PCDHA6: variants seen among roughly 807,000 people sequenced by gnomAD.
PCDHA6 encodes protocadherin alpha-6.
Under a neutral mutation model 60.3 loss-of-function variants are expected in PCDHA6, and 55 were observed. The observed-to-expected ratio is 0.91, with a 90% CI of 0.73 to 1.14. PCDHA6 has a LOEUF of 1.14. Ranked by LOEUF, PCDHA6 falls within the 50% of genes most tolerant of loss-of-function variation. The pLI is 0.00. For synonymous variants in PCDHA6, 652 were observed against 557.9 expected (o/e 1.17, Z -2.38); for missense variants, 1,327 against 1,256.5 (o/e 1.06, Z -0.85).
chr5:140,943,800 A>G (rs1470801059), intron 1 of PCDHA6, among the ~76,000 whole-genome samples: 1 of 152,218 alleles, frequency 6.6e-6, no homozygotes, highest in East Asian at 1.9e-4. Flanking sequence ...GCAAAGCAAA[A>G]GAGGAAAGTT....
chr5:140,929,080 A>T, intron 1 of PCDHA6: 1 of 1,614,180 alleles, frequency 6.2e-7, no homozygotes, highest in Non-Finnish European at 8.5e-7. Flanking sequence ...GTATGGAAGT[A>T]AGATGGTTTC....
At chr5:140,981,458 C>T (rs1465511355) in intron 2 of PCDHA6, among the ~76,000 whole-genome samples, 5 of 152,134 alleles carry the variant, frequency 3.3e-5, no homozygotes, top group African/African-American at 4.8e-5. Flanking sequence ...CCTGTAGTCC[C>T]AGCTACTTGG....
intron 1 of PCDHA6, among the ~76,000 whole-genome samples, chr5:140,888,562 G>T (rs781854673): frequency 6.6e-6 from 1 of 152,112 alleles, no homozygotes; most frequent in East Asian, 1.9e-4. Flanking sequence ...TCCTTTCAAG[G>T]CTTCATTTTA....
rs557129583 is a variant in PCDHA6 at position 140,853,604 on chromosome 5, G to A, written c.2394+23119G>A. The A allele has an allele frequency of 2.1e-4, 212 of 987,262 alleles. 18 individuals are homozygous for A. Among genetic ancestry groups the A allele is most frequent in the Non-Finnish European group, 2.2e-4 (180 of 819,618 alleles). 61.2% of individuals were successfully genotyped at this position (987,262 alleles called of 1,614,324 possible). A position where few individuals can be genotyped will look rare whatever the true frequency, so the allele number is the denominator to read the frequency against. ...ATCTTAGACACTTTGAGAGCAAAGG[G>A]GGTGCTGTAAATAAGTATACAAGAT... On this transcript the variant is annotated intron_variant, in intron 1 of 3. Coordinates refer to ENST00000529310, the MANE Select transcript of PCDHA6 (RefSeq NM_018909.4).
chr5:140,850,333 C>G lies in PCDHA6; in HGVS notation c.2394+19848C>G, dbSNP rs2150480069. 3.1e-6 allele frequency: 5 copies of G among 1,597,624 alleles called. 1 individual carries two copies. The highest frequency in any genetic ancestry group is 4.3e-6 in the Non-Finnish European group (5 of 1,167,680). ...GCGTGGCTTTCATACGAGCTGCAGC[C>G]AGAAACGGCCAGCGCGAGCATCCCG... On this transcript the variant is annotated intron_variant, in intron 1 of 3. Coordinates refer to ENST00000529310, the MANE Select transcript of PCDHA6 (RefSeq NM_018909.4).
intron 1 of PCDHA6, among the ~76,000 whole-genome samples, chr5:140,913,117 G>T (rs1055437222): frequency 1.3e-5 from 2 of 152,144 alleles, no homozygotes; most frequent in Non-Finnish European, 2.9e-5. Flanking sequence ...CAGTTTGGAA[G>T]TTAACCCCTC....
chr5:140,873,837 T>C (rs554313859), intron 1 of PCDHA6, among the ~76,000 whole-genome samples: 1 of 152,210 alleles, frequency 6.6e-6, no homozygotes, highest in South Asian at 2.1e-4. Context: ...ATTTTTGTAT[T>C]TTTAGTAGAG....
chr5:140,849,243 A>G, intron 1 of PCDHA6: 1 of 1,073,288 alleles, frequency 9.3e-7, no homozygotes, highest in Non-Finnish European at 1.3e-6. Context: ...GTATACGGTG[A>G]AATTACCAGA....
At chr5:140,955,043 T>C (rs1285355120) in intron 1 of PCDHA6, among the ~76,000 whole-genome samples, 1 of 152,176 alleles carries the variant, frequency 6.6e-6, no homozygotes, top group Non-Finnish European at 1.5e-5. Context: ...CTTTTCCTCA[T>C]TGCTTGTTTT....
chr5:140,837,916 C>T (rs191330965), intron 1 of PCDHA6, among the ~76,000 whole-genome samples: 6 of 151,766 alleles, frequency 4.0e-5, no homozygotes, highest in South Asian at 4.2e-4. Context: ...TGGCTTCAAG[C>T]GATCCTCCTA....
intron 1 of PCDHA6, chr5:140,875,950 G>A: frequency 6.2e-7 from 1 of 1,614,166 alleles, no homozygotes; most frequent in South Asian, 1.1e-5. Flanking sequence ...CGCTTCTGAT[G>A]CGGATATCGG....
At chr5:140,866,764 G>A (rs2049554706) in intron 1 of PCDHA6, 1 of 152,110 alleles carries the variant, frequency 6.6e-6, no homozygotes, top group Non-Finnish European at 1.5e-5. Flanking sequence ...GGACATACAG[G>A]CAGATTGTAT....
At chr5:140,969,470 T>G in intron 1 of PCDHA6, 1 of 1,483,706 alleles carries the variant, frequency 6.7e-7, no homozygotes, top group African/African-American at 1.4e-5. Context: ...TATCCACAAT[T>G]TGATCATAAT....
At chr5:140,989,437 A>G (rs1330784508) in intron 3 of PCDHA6, among the ~76,000 whole-genome samples, 1 of 152,138 alleles carries the variant, frequency 6.6e-6, no homozygotes, top group East Asian at 1.9e-4. Flanking sequence ...AAAATTGCTG[A>G]GGTTGTTTAG....
chr5:141,002,019 T>G (rs1420727822), intron 3 of PCDHA6, among the ~76,000 whole-genome samples: 4 of 152,176 alleles, frequency 2.6e-5, no homozygotes, highest in Admixed American at 6.5e-5. Flanking sequence ...CTGCACAGCC[T>G]TCGGTGCCCT....
chr5:140,876,342 A>C, intron 1 of PCDHA6: 1 of 1,614,042 alleles, frequency 6.2e-7, no homozygotes, highest in Non-Finnish European at 8.5e-7. Flanking sequence ...TGAGTGAGAA[A>C]TGTATGTTTT....
At chr5:140,858,018 C>T in intron 1 of PCDHA6, 1 of 1,596,908 alleles carries the variant, frequency 6.3e-7, no homozygotes, top group Non-Finnish European at 8.6e-7. Context: ...GGCGAGCCGT[C>T]GCTGACGGCC....
intron 1 of PCDHA6, among the ~76,000 whole-genome samples, chr5:140,940,974 A>G (rs1206597858): frequency 6.6e-6 from 1 of 152,220 alleles, no homozygotes; most frequent in Non-Finnish European, 1.5e-5. Flanking sequence ...GATATCTGGT[A>G]TCTAGTTACA....
chr5:140,928,770 C>A, intron 1 of PCDHA6: 4 of 1,614,106 alleles, frequency 2.5e-6, no homozygotes, highest in Non-Finnish European at 2.5e-6. Context: ...TAGTTCTTCC[C>A]ACTGATGCAG....
Sources: allele counts gnomAD v4.1 joint callset (sites outside exome capture counted in the v4.1 genomes callset), GRCh38; gene constraint gnomAD v4.1.1; transcripts MANE v1.5; gene names NCBI Gene and HGNC (gene_info 2026-07-23, HGNC 2026-07-21).